ERI3: variants seen among roughly 807,000 people sequenced by gnomAD.
ERI3 encodes ERI1 exoribonuclease 3.
In ERI3, 18 loss-of-function variants were observed where a neutral mutation model predicts 44.4. That is an observed-to-expected ratio of 0.41 (90% CI 0.28 to 0.60). ERI3 has a LOEUF of 0.60. Ranked by LOEUF, ERI3 falls within the 20% of genes least tolerant of loss-of-function variation. The probability of loss-of-function intolerance (pLI) is 0.36; values close to 1 mark genes in which losing one functional copy is unlikely to be tolerated. For synonymous variants in ERI3, 183 were observed against 164.8 expected, an observed-to-expected ratio of 1.11 and a Z score of -0.84; for missense variants, 294 against 435.5, an observed-to-expected ratio of 0.68 and a Z score of 2.89.
chr1:44,337,634 T>C (rs141215267), intron 3 of ERI3, among the ~76,000 whole-genome samples: 12 of 152,282 alleles, frequency 7.9e-5, no homozygotes, highest in Admixed American at 6.5e-4. Context: ...GTAGGCCTCA[T>C]TCCAGTGCCT....
At chr1:44,243,300 C>G (rs1182309981) in intron 8 of ERI3, 4 of 152,482 alleles carry the variant, frequency 2.6e-5, no homozygotes, top group Non-Finnish European at 4.4e-5. Flanking sequence ...GCAGGACCAC[C>G]CAGCCGGGCA....
At chr1:44,325,200 C>T (rs939072687) in intron 3 of ERI3, among the ~76,000 whole-genome samples, 27 of 151,958 alleles carry the variant, frequency 1.8e-4, no homozygotes, top group Middle Eastern at 3.2e-3. Context: ...GCCTCAGCCT[C>T]CCAAGTAGCT....
chr1:44,310,150 T>C (rs778742869), intron 5 of ERI3, among the ~76,000 whole-genome samples: 4 of 152,110 alleles, frequency 2.6e-5, no homozygotes, highest in Non-Finnish European at 4.4e-5. Flanking sequence ...CATAATACAA[T>C]AGATCCAGCA....
chr1:44,260,291 CTG>C (rs1644868425), intron 7 of ERI3, among the ~76,000 whole-genome samples: 1 of 152,244 alleles, frequency 6.6e-6, no homozygotes, highest in Non-Finnish European at 1.5e-5. Flanking sequence ...CCAGTGGCCT[CTG>C]GAGCCCAGAA....
chr1:44,223,876 CCT>C (rs1643967080), intron 8 of ERI3, among the ~76,000 whole-genome samples: 1 of 152,066 alleles, frequency 6.6e-6, no homozygotes, highest in Non-Finnish European at 1.5e-5. Context: ...CTAAAGATCA[CCT>C]CTCCAGCCTG....
At chr1:44,261,596 A>C (rs1380173823) in intron 7 of ERI3, among the ~76,000 whole-genome samples, 1 of 152,268 alleles carries the variant, frequency 6.6e-6, no homozygotes, top group Non-Finnish European at 1.5e-5. Context: ...CAGAGACTGC[A>C]GCTACCTTAG....
At chr1:44,291,304 A>G (rs924481569) in intron 6 of ERI3, among the ~76,000 whole-genome samples, 3 of 152,216 alleles carry the variant, frequency 2.0e-5, no homozygotes, top group African/African-American at 7.2e-5. Context: ...GCTGGTTAGT[A>G]TCTATCTCAC....
intron 7 of ERI3, 90 bp downstream of exon 7, chr1:44,284,745 G>C: frequency 2.1e-6 from 2 of 936,020 alleles, no homozygotes; most frequent in Non-Finnish European, 3.4e-6. Flanking sequence ...AAAAGAGGGA[G>C]AACAGATATA....
At chr1:44,327,601 G>A (rs1646342220) in intron 3 of ERI3, among the ~76,000 whole-genome samples, 1 of 152,164 alleles carries the variant, frequency 6.6e-6, no homozygotes, top group South Asian at 2.1e-4. Context: ...ACTACCAGTA[G>A]GTAGTCAAGA....
chr1:44,294,213 C>T (rs916719226), intron 6 of ERI3, among the ~76,000 whole-genome samples: 4 of 152,246 alleles, frequency 2.6e-5, no homozygotes, highest in Admixed American at 2.6e-4. Context: ...GAGTTCCCAA[C>T]AGAAACCAGA....
intron 8 of ERI3, among the ~76,000 whole-genome samples, chr1:44,232,592 T>C (rs1191810536): frequency 4.6e-5 from 7 of 152,236 alleles, no homozygotes; most frequent in African/African-American, 1.7e-4. Flanking sequence ...ATCCTCAGAC[T>C]ATTTCATAGT....
At chr1:44,310,193 G>A (rs1572244497) in intron 5 of ERI3, among the ~76,000 whole-genome samples, 1 of 148,620 alleles carries the variant, frequency 6.7e-6, no homozygotes, top group Non-Finnish European at 1.5e-5. Context: ...ACAGGACCAA[G>A]AAGAGGAAGT....
intron 7 of ERI3, 82 bp from the exon 8 acceptor site, chr1:44,248,120 C>CA: frequency 1.2e-6 from 1 of 859,858 alleles, no homozygotes; most frequent in Non-Finnish European, 1.8e-6. Context: ...CCCCACCCCC[C>CA]AAATCTTTCC....
At chr1:44,310,882 T>C (rs1645940905) in intron 5 of ERI3, among the ~76,000 whole-genome samples, 1 of 151,554 alleles carries the variant, frequency 6.6e-6, no homozygotes, top group Non-Finnish European at 1.5e-5. Context: ...TCCCAAAAGA[T>C]AAATTCTGGA....
chr1:44,291,610 G>T (rs1645508282), intron 6 of ERI3, among the ~76,000 whole-genome samples: 1 of 152,186 alleles, frequency 6.6e-6, no homozygotes, highest in Non-Finnish European at 1.5e-5. Context: ...CATCAAAGCT[G>T]GTCCTTGACA....
intron 8 of ERI3, among the ~76,000 whole-genome samples, chr1:44,238,853 C>A (rs1644368175): frequency 6.6e-6 from 1 of 152,090 alleles, no homozygotes; most frequent in Non-Finnish European, 1.5e-5. Flanking sequence ...CTCCTCCTCC[C>A]CTGCTCACTT....
intron 3 of ERI3, among the ~76,000 whole-genome samples, chr1:44,338,104 T>C (rs2154331093): frequency 6.6e-6 from 1 of 152,366 alleles, no homozygotes; most frequent in South Asian, 2.1e-4. Flanking sequence ...AAAAGGTCTT[T>C]GAACACAGCT....
intron 2 of ERI3, among the ~76,000 whole-genome samples, chr1:44,340,160 A>C (rs977850043): frequency 2.0e-5 from 3 of 152,180 alleles, no homozygotes; most frequent in Non-Finnish European, 4.4e-5. Flanking sequence ...AAAAAAAAAA[A>C]AAAAAAAATC....
chr1:44,287,203 C>T (rs1645411237), intron 6 of ERI3, among the ~76,000 whole-genome samples: 1 of 152,090 alleles, frequency 6.6e-6, no homozygotes, highest in Non-Finnish European at 1.5e-5. Context: ...GTAATCTTGG[C>T]GAAAGGGGCA....
Sources: allele counts gnomAD v4.1 joint callset (sites outside exome capture counted in the v4.1 genomes callset), GRCh38; gene constraint gnomAD v4.1.1; transcripts MANE v1.5; gene names NCBI Gene and HGNC (gene_info 2026-07-23, HGNC 2026-07-21).